The following FRMPD4 variants were observed in gnomAD, a reference collection of about 807,000 sequenced individuals.
The protein encoded by FRMPD4 is FERM and PDZ domain containing 4.
A neutral mutation model predicts 94.1 loss-of-function variants in FRMPD4; 22 were observed. The ratio of observed to expected loss-of-function variants is 0.23; its 90% CI spans 0.17 to 0.33. The LOEUF (loss-of-function observed/expected upper bound fraction) is 0.33, where lower values mean the gene tolerates loss of function less well. FRMPD4 is among the 10% of genes least tolerant of loss of function. The pLI, the probability that FRMPD4 is intolerant of heterozygous loss-of-function variation, is 1.00. For synonymous variants in FRMPD4, 631 were observed against 548.6 expected, an observed-to-expected ratio of 1.15 and a Z score of -2.10; for missense variants, 1,111 against 1,339.9, an observed-to-expected ratio of 0.83 and a Z score of 2.67.
chrX:11,947,566 C>G (rs1348690813), intron 3 of FRMPD4, among the ~76,000 whole-genome samples: 4 of 111,748 alleles, frequency 3.6e-5, no homozygotes, highest in Non-Finnish European at 5.6e-5. Context: ...GAGGTGAAGG[C>G]AAAAGTTATC....
chrX:12,588,789 C>T (rs2058955787), intron 2 of FRMPD4, among the ~76,000 whole-genome samples: 1 of 112,498 alleles, frequency 8.9e-6, no homozygotes, highest in Non-Finnish European at 1.9e-5. Flanking sequence ...TTTCAAATGC[C>T]TCTTAATTTA....
At position 12,664,467 on chromosome X, in the gene FRMPD4, G is replaced by C. The variant is rs4614197; in HGVS notation, c.423-10396G>C. ...CTGCATGTATTGAGATAATCATGTG[G>C]TTTTTGTCATTGGCTATGTTTATAT... On this transcript the variant is annotated intron_variant, in intron 4 of 16. Transcript: ENST00000675598. 6.3e-5 allele frequency among the ~76,000 whole-genome samples: 7 copies of C among 111,063 alleles called. 1 individual carries two copies. The highest frequency in any genetic ancestry group is 1.1e-4 in the Non-Finnish European group (6 of 52,877).
At chrX:12,388,611 A>T (rs1445713257) in intron 1 of FRMPD4, among the ~76,000 whole-genome samples, 1 of 55,954 alleles carries the variant, frequency 1.8e-5, no homozygotes, top group Non-Finnish European at 4.0e-5. Context: ...TCAAAAAATT[A>T]AAAAAAAAAA....
At chrX:12,648,095 C>T (rs1442892065) in intron 4 of FRMPD4, among the ~76,000 whole-genome samples, 1 of 111,639 alleles carries the variant, frequency 9.0e-6, no homozygotes, top group Non-Finnish European at 1.9e-5. Flanking sequence ...CTTTTTGACA[C>T]CCATAACTGA....
chrX:12,693,857 C>T (rs1055665515), intron 8 of FRMPD4, among the ~76,000 whole-genome samples: 2 of 111,668 alleles, frequency 1.8e-5, no homozygotes, highest in East Asian at 5.6e-4. Flanking sequence ...CTCAGACTAC[C>T]GGAGCCCATC....
chrX:12,583,620 G>A (rs886422633), intron 2 of FRMPD4: 10 of 482,326 alleles, frequency 2.1e-5, no homozygotes, highest in Non-Finnish European at 3.4e-5. Context: ...CGCACCTGGC[G>A]GCCCCGCCCC....
intron 1 of FRMPD4, among the ~76,000 whole-genome samples, chrX:12,258,686 C>A (rs769231142): frequency 9.0e-6 from 1 of 110,849 alleles, no homozygotes; most frequent in Non-Finnish European, 1.9e-5. Flanking sequence ...TACTTTTTAT[C>A]GATATGTAAT....
At chrX:12,306,085 A>AG (rs1186028037) in intron 1 of FRMPD4, among the ~76,000 whole-genome samples, 3 of 108,495 alleles carry the variant, frequency 2.8e-5, no homozygotes, top group African/African-American at 1.0e-4. Context: ...TGCTTCAAAA[A>AG]AAAAAAAAAA....
intron 1 of FRMPD4, among the ~76,000 whole-genome samples, chrX:11,864,786 T>C (rs1354877740): frequency 8.9e-6 from 1 of 112,072 alleles, no homozygotes; most frequent in Non-Finnish European, 1.9e-5. Context: ...TTCTTGACTA[T>C]TCTGTTTATA....
At chrX:11,969,803 A>C (rs769409438) in intron 3 of FRMPD4, among the ~76,000 whole-genome samples, 22 of 111,806 alleles carry the variant, frequency 2.0e-4, no homozygotes, top group African/African-American at 7.1e-4. Context: ...ATTCATTCTT[A>C]TATCTCTCCA....
At chrX:12,350,990 A>G (rs1296727183) in intron 1 of FRMPD4, among the ~76,000 whole-genome samples, 4 of 111,624 alleles carry the variant, frequency 3.6e-5, no homozygotes, top group Non-Finnish European at 7.5e-5. Context: ...CCTGGCCAAC[A>G]TGGTGAAACC....
intron 4 of FRMPD4, among the ~76,000 whole-genome samples, chrX:12,617,159 C>G (rs1232311816): frequency 1.8e-5 from 2 of 112,366 alleles, no homozygotes; most frequent in Non-Finnish European, 3.8e-5. Flanking sequence ...GGATGGCAAA[C>G]AGCTCCAAGT....
chrX:12,257,962 GATCAACTGCCCTC>G (rs1264628639), intron 1 of FRMPD4, among the ~76,000 whole-genome samples: 1 of 108,844 alleles, frequency 9.2e-6, no homozygotes, highest in African/African-American at 3.3e-5. Flanking sequence ...TATCCTTCCT[GATCAACTGCCCTC>G]AGCCTTTAAT....
chrX:12,365,315 T>C (rs1305113948), intron 1 of FRMPD4, among the ~76,000 whole-genome samples: 1 of 111,661 alleles, frequency 9.0e-6, no homozygotes, highest in Non-Finnish European at 1.9e-5. Flanking sequence ...CGGATACACC[T>C]CTCAGCCCAG....
At chrX:12,086,618 G>A (rs1421546015) in intron 3 of FRMPD4, among the ~76,000 whole-genome samples, 1 of 111,719 alleles carries the variant, frequency 9.0e-6, no homozygotes, top group African/African-American at 3.3e-5. Context: ...GGGGCAAGGT[G>A]AGGAAGTCCG....
chrX:12,331,792 G>A (rs56874552), intron 1 of FRMPD4, among the ~76,000 whole-genome samples: 666 of 25,757 alleles, frequency 0.026, 83 homozygotes, highest in African/African-American at 0.083. Flanking sequence ...TTTATATACT[G>A]TATATAAATT....
intron 1 of FRMPD4, among the ~76,000 whole-genome samples, chrX:12,472,963 C>A: frequency 9.3e-6 from 1 of 107,447 alleles, no homozygotes; most frequent in Non-Finnish European, 1.9e-5. Context: ...ATACAGAGAA[C>A]GCCACAAAGA....
intron 2 of FRMPD4, among the ~76,000 whole-genome samples, chrX:12,507,323 G>T (rs1302363974): frequency 1.8e-5 from 2 of 112,335 alleles, no homozygotes; most frequent in African/African-American, 3.2e-5. Context: ...GGCTTTGGAG[G>T]CCATGTGGTC....
intron 4 of FRMPD4, among the ~76,000 whole-genome samples, chrX:12,617,861 A>ATT (rs2059249853): frequency 2.7e-5 from 3 of 110,222 alleles, no homozygotes; most frequent in Non-Finnish European, 5.7e-5. Flanking sequence ...TTGGTGGATT[A>ATT]TTTTTCTTAT....
Sources: gnomAD v4.1 joint callset for allele counts (sites outside exome capture counted in the v4.1 genomes callset) on GRCh38, gnomAD v4.1.1 for gene constraint, MANE v1.5 for transcripts, NCBI Gene and HGNC (gene_info 2026-07-23, HGNC 2026-07-21) for gene names.